GLB1: variants seen among roughly 807,000 people sequenced by gnomAD.
GLB1 encodes galactosidase beta 1.
A neutral mutation model predicts 74.0 loss-of-function variants in GLB1; 56 were observed. The observed-to-expected ratio is 0.76, with a 90% CI of 0.61 to 0.94. The LOEUF (loss-of-function observed/expected upper bound fraction) is 0.94. Ranked by LOEUF, GLB1 falls within the 40% of genes least tolerant of loss-of-function variation. GLB1 has a pLI of 0.00. For synonymous variants in GLB1, 323 were observed against 323.6 expected (o/e 1.00, Z 0.02); for missense variants, 787 against 845.5 (o/e 0.93, Z 0.86).
chr3:33,003,715 A>G (rs1696672089), intron 15 of GLB1, among the ~76,000 whole-genome samples: 1 of 152,240 alleles, frequency 6.6e-6, no homozygotes, highest in Non-Finnish European at 1.5e-5. Context: ...GGCCCCAATT[A>G]TTAGTGGGTC....
chr3:32,976,804 G>C, the GLB1 span, among the ~76,000 whole-genome samples: 1 of 152,168 alleles, frequency 6.6e-6, no homozygotes, highest in Admixed American at 6.5e-5. Context: ...ATTCAGAGGT[G>C]GGGGTGGACA....
intron 5 of GLB1, among the ~76,000 whole-genome samples, chr3:33,058,888 C>A (rs1699330335): frequency 6.6e-6 from 1 of 152,248 alleles, no homozygotes; most frequent in African/African-American, 2.4e-5. Flanking sequence ...ATTTGACCTG[C>A]TGTCACACAC....
chr3:32,996,614 C>A, downstream of GLB1: 1 of 256,588 alleles, frequency 3.9e-6, no homozygotes, highest in South Asian at 4.9e-5. Flanking sequence ...AGACTATTTT[C>A]CATCCTTTTG....
chr3:33,014,922 G>A (rs142865981), intron 14 of GLB1, among the ~76,000 whole-genome samples: 3,088 of 152,224 alleles, frequency 0.02, 105 homozygotes, highest in African/African-American at 0.068. Flanking sequence ...AGCTGAGATC[G>A]CGCCACTGTA....
intron 3 of GLB1, 59 bp from the exon 4 acceptor site, chr3:33,068,349 A>G (rs1699770778): frequency 6.8e-6 from 11 of 1,607,022 alleles, no homozygotes; most frequent in African/African-American, 1.3e-5. Flanking sequence ...CTCAGAGGAG[A>G]TAGAAATTAC....
At chr3:32,973,200 T>G in the GLB1 span, among the ~76,000 whole-genome samples, 3 of 152,146 alleles carry the variant, frequency 2.0e-5, no homozygotes, top group African/African-American at 7.2e-5. Flanking sequence ...TTGAACCCCA[T>G]CAGTCTCTCT....
chr3:33,084,895 C>T (rs558457182), intron 1 of GLB1, among the ~76,000 whole-genome samples: 2 of 152,148 alleles, frequency 1.3e-5, no homozygotes, highest in Non-Finnish European at 2.9e-5. Flanking sequence ...ACCACATTGA[C>T]GTTACTATTT....
chr3:33,082,790 T>C (rs1015074632), intron 1 of GLB1, among the ~76,000 whole-genome samples: 1 of 152,204 alleles, frequency 6.6e-6, no homozygotes, highest in African/African-American at 2.4e-5. Flanking sequence ...ACCTGGACTG[T>C]CTGTGCATTC....
chr3:33,060,360 A>G (rs922180355), intron 5 of GLB1, among the ~76,000 whole-genome samples: 2 of 152,228 alleles, frequency 1.3e-5, no homozygotes, highest in Non-Finnish European at 2.9e-5. Flanking sequence ...GAGTTCCATG[A>G]AAGTTCCTTT....
intron 10 of GLB1, among the ~76,000 whole-genome samples, chr3:33,035,755 C>T (rs1698248473): frequency 6.6e-6 from 1 of 152,180 alleles, no homozygotes; most frequent in East Asian, 1.9e-4. Context: ...GTAGCTCAAA[C>T]TGACTAAGAC....
chr3:32,971,273 T>C, the GLB1 span, among the ~76,000 whole-genome samples: 1 of 152,118 alleles, frequency 6.6e-6, no homozygotes, highest in African/African-American at 2.4e-5. Context: ...CTATTATGAG[T>C]TGATAGACAA....
chr3:32,981,294 T>C, the GLB1 span, among the ~76,000 whole-genome samples: 1 of 145,970 alleles, frequency 6.9e-6, no homozygotes, highest in Non-Finnish European at 1.5e-5. Flanking sequence ...TCCCAGCTAC[T>C]CGGGAGGCTG....
intron 1 of GLB1, chr3:33,096,279 G>C: frequency 6.6e-6 from 4 of 608,690 alleles, no homozygotes; most frequent in Non-Finnish European, 8.2e-6. Context: ...GCCTCAGCTC[G>C]GACGCAGCGA....
intron 15 of GLB1, among the ~76,000 whole-genome samples, chr3:33,001,067 G>A (rs757489307): frequency 7.3e-5 from 11 of 151,442 alleles, no homozygotes; most frequent in Non-Finnish European, 3.0e-5. Flanking sequence ...TCCTCCTTGT[G>A]TCTGCCGCAC....
chr3:33,095,673 C>G (rs567346929), intron 1 of GLB1, among the ~76,000 whole-genome samples: 4 of 152,320 alleles, frequency 2.6e-5, no homozygotes, highest in Admixed American at 2.0e-4. Flanking sequence ...CAGATTGACC[C>G]TGTCCACCTG....
the GLB1 span, among the ~76,000 whole-genome samples, chr3:32,979,796 G>A: frequency 6.8e-6 from 1 of 147,270 alleles, no homozygotes; most frequent in East Asian, 2.0e-4. Flanking sequence ...AGGCTGCAGT[G>A]AGTTGTGATG....
the GLB1 span, among the ~76,000 whole-genome samples, chr3:32,981,642 C>T: frequency 1.3e-5 from 2 of 151,498 alleles, no homozygotes; most frequent in Non-Finnish European, 2.9e-5. Flanking sequence ...GGCGTCATGG[C>T]GCATGTGTGT....
chr3:32,991,279 C>T, the GLB1 span, among the ~76,000 whole-genome samples: 1 of 152,204 alleles, frequency 6.6e-6, no homozygotes, highest in Non-Finnish European at 1.5e-5. Context: ...TCACTAAACA[C>T]AGGCTAAATG....
At chr3:33,029,939 A>G (rs935633166) in intron 10 of GLB1, 5 of 145,416 alleles carry the variant, frequency 3.4e-5, no homozygotes, top group Non-Finnish European at 7.5e-5. Flanking sequence ...ACATGTACCC[A>G]TGAACCTAAA....
Sources: allele counts gnomAD v4.1 joint callset (sites outside exome capture counted in the v4.1 genomes callset), GRCh38; gene constraint gnomAD v4.1.1; transcripts MANE v1.5; gene names NCBI Gene and HGNC (gene_info 2026-07-23, HGNC 2026-07-21).